The following TAFA2 variants were observed in gnomAD, a reference collection of about 807,000 sequenced individuals.
TAFA2 encodes chemokine-like protein TAFA-2.
A neutral mutation model predicts 18.8 loss-of-function variants in TAFA2; 7 were observed. The ratio of observed to expected loss-of-function variants is 0.37; its 90% confidence interval spans 0.21 to 0.70. The LOEUF is 0.70. Ranked by LOEUF, TAFA2 falls within the 30% of genes least tolerant of loss-of-function variation. The pLI, the probability that TAFA2 is intolerant of heterozygous loss-of-function variation, is 0.53. For missense variants in TAFA2, 122 were observed against 158.1 expected (o/e 0.77, Z 1.23); for synonymous variants, 60 against 54.2 (o/e 1.11, Z -0.47).
chr12:61,953,054 G>A (rs1168985430), intron 1 of TAFA2, among the ~76,000 whole-genome samples: 1 of 152,066 alleles, frequency 6.6e-6, no homozygotes, highest in Admixed American at 6.6e-5. Flanking sequence ...GACTATAAAA[G>A]TATCTCTTCA....
At chr12:62,068,186 T>C in intron 1 of TAFA2, among the ~76,000 whole-genome samples, 1 of 152,104 alleles carries the variant, frequency 6.6e-6, no homozygotes, top group Non-Finnish European at 1.5e-5. Context: ...AGAACAGATC[T>C]CTATTTTTTA....
intron 2 of TAFA2, among the ~76,000 whole-genome samples, chr12:61,857,225 T>TTG (rs1380246216): frequency 6.6e-6 from 1 of 151,934 alleles, no homozygotes; most frequent in African/African-American, 2.4e-5. Flanking sequence ...AAACATTGAG[T>TTG]TGGCAAATAA....
chr12:62,089,523 T>C (rs573469303), intron 1 of TAFA2, among the ~76,000 whole-genome samples: 1 of 152,092 alleles, frequency 6.6e-6, no homozygotes, highest in Non-Finnish European at 1.5e-5. Context: ...GCACCAGGAC[T>C]TAACTAAAGT....
intron 1 of TAFA2, among the ~76,000 whole-genome samples, chr12:62,251,822 T>C (rs2062915563): frequency 6.6e-6 from 1 of 152,104 alleles, no homozygotes; most frequent in East Asian, 1.9e-4. Context: ...TCTTTTCTAT[T>C]GAGAGTGATT....
At chr12:61,786,629 A>C (rs1380413569) in intron 2 of TAFA2, among the ~76,000 whole-genome samples, 1 of 151,484 alleles carries the variant, frequency 6.6e-6, no homozygotes, top group Non-Finnish European at 1.5e-5. Context: ...AAAAGTCAAA[A>C]ATATAAAAAC....
chr12:61,773,382 A>C (rs1168049357), intron 2 of TAFA2, among the ~76,000 whole-genome samples: 1 of 152,020 alleles, frequency 6.6e-6, no homozygotes, highest in African/African-American at 2.4e-5. Flanking sequence ...GAACCAAAAA[A>C]GGGCCCACAC....
intron 1 of TAFA2, among the ~76,000 whole-genome samples, chr12:62,164,188 T>C (rs1435725717): frequency 6.6e-6 from 1 of 152,172 alleles, no homozygotes; most frequent in Non-Finnish European, 1.5e-5. Flanking sequence ...GTTTTAGTAA[T>C]AGCTGAGTCC....
chr12:62,106,186 TA>T (rs1178247012), intron 1 of TAFA2, among the ~76,000 whole-genome samples: 1 of 147,262 alleles, frequency 6.8e-6, no homozygotes, highest in Non-Finnish European at 1.5e-5. Flanking sequence ...TAAAAAAAAA[TA>T]GCCGGGTGTG....
intron 1 of TAFA2, among the ~76,000 whole-genome samples, chr12:62,092,776 A>AT (rs1001705993): frequency 8.6e-5 from 13 of 151,978 alleles, no homozygotes; most frequent in African/African-American, 1.9e-4. Context: ...CAATGATATG[A>AT]TTTTTTTAAC....
intron 4 of TAFA2, among the ~76,000 whole-genome samples, chr12:61,721,601 T>C (rs1036899806): frequency 6.6e-6 from 1 of 152,168 alleles, no homozygotes; most frequent in South Asian, 2.1e-4. Context: ...ACAGTCAGAA[T>C]GAGATTCATG....
At chr12:61,744,430 G>A (rs533796644) in intron 4 of TAFA2, among the ~76,000 whole-genome samples, 29 of 152,038 alleles carry the variant, frequency 1.9e-4, no homozygotes, top group African/African-American at 2.7e-4. Context: ...ACATAGAGCC[G>A]GATGATATAT....
chr12:62,214,560 CCTA>C (rs1466822120), intron 1 of TAFA2, among the ~76,000 whole-genome samples: 1 of 152,148 alleles, frequency 6.6e-6, no homozygotes, highest in East Asian at 1.9e-4. Context: ...AGTCCTAACT[CCTA>C]CTATCTCAGA....
chr12:61,755,777 T>C (rs1196191946), intron 2 of TAFA2, among the ~76,000 whole-genome samples: 1 of 152,238 alleles, frequency 6.6e-6, no homozygotes, highest in Middle Eastern at 3.4e-3. Flanking sequence ...CTAAGTGTGT[T>C]GGATTAATGA....
At chr12:62,006,949 T>A (rs189430652) in intron 1 of TAFA2, among the ~76,000 whole-genome samples, 50 of 152,322 alleles carry the variant, frequency 3.3e-4, no homozygotes, top group Admixed American at 1.1e-3. Flanking sequence ...ATATTTCTTA[T>A]CTCATAAGAC....
chr12:61,758,622 G>A (rs1225206739), intron 2 of TAFA2, among the ~76,000 whole-genome samples: 1 of 151,964 alleles, frequency 6.6e-6, no homozygotes, highest in Non-Finnish European at 1.5e-5. Context: ...GAAAAAAAGA[G>A]GGTCTGAAAT....
chr12:62,076,304 C>T (rs1868248581), intron 1 of TAFA2, among the ~76,000 whole-genome samples: 1 of 152,094 alleles, frequency 6.6e-6, no homozygotes, highest in African/African-American at 2.4e-5. Flanking sequence ...GAAAAAGCCT[C>T]CAGATTATCT....
intron 1 of TAFA2, among the ~76,000 whole-genome samples, chr12:62,040,215 A>C (rs1028098850): frequency 6.6e-6 from 1 of 152,166 alleles, no homozygotes; most frequent in Non-Finnish European, 1.5e-5. Context: ...TATTAAAGTC[A>C]ACAACTAGAT....
intron 1 of TAFA2, among the ~76,000 whole-genome samples, chr12:61,959,475 A>G (rs1280942655): frequency 6.6e-6 from 1 of 152,040 alleles, no homozygotes; most frequent in Non-Finnish European, 1.5e-5. Context: ...AAGAAAATCT[A>G]TTGATTCCTT....
intron 2 of TAFA2, among the ~76,000 whole-genome samples, chr12:61,796,324 C>T (rs12816044): frequency 0.1 from 15,195 of 151,486 alleles, 1,055 homozygotes; most frequent in East Asian, 0.19. Flanking sequence ...CATAACTATA[C>T]AATATAATAC....
Sources: gnomAD v4.1 joint callset for allele counts (sites outside exome capture counted in the v4.1 genomes callset) on GRCh38, gnomAD v4.1.1 for gene constraint, MANE v1.5 for transcripts, NCBI Gene and HGNC (gene_info 2026-07-23, HGNC 2026-07-21) for gene names.